The following TENM4 variants were observed in gnomAD, a reference collection of about 807,000 sequenced individuals.
TENM4 encodes teneurin-4.
A neutral mutation model predicts 243.3 loss-of-function variants in TENM4; 82 were observed. The observed-to-expected ratio is 0.34, with a 90% CI of 0.28 to 0.40. The LOEUF is 0.40. TENM4 is among the 10% of genes least tolerant of loss of function. The pLI is 1.00. For synonymous variants in TENM4, 1,412 were observed against 1,456.3 expected (o/e 0.97, Z 0.69); for missense variants, 3,138 against 3,673.3 (o/e 0.85, Z 3.77).
chr11:79,153,275 G>A (rs1022827371), intron 3 of TENM4, among the ~76,000 whole-genome samples: 1 of 152,192 alleles, frequency 6.6e-6, no homozygotes, highest in African/African-American at 2.4e-5. Flanking sequence ...GTATGAAAAG[G>A]ATTTTGTAAA....
chr11:78,900,211 T>G (rs1228104355), intron 7 of TENM4, among the ~76,000 whole-genome samples: 3 of 152,256 alleles, frequency 2.0e-5, no homozygotes, highest in African/African-American at 7.2e-5. Flanking sequence ...GTCATTTGTT[T>G]GTTGTGCAGC....
chr11:78,968,428 G>T (rs1857479059), intron 6 of TENM4, among the ~76,000 whole-genome samples: 1 of 152,220 alleles, frequency 6.6e-6, no homozygotes, highest in Admixed American at 6.5e-5. Flanking sequence ...GGGAGCACAG[G>T]TGTGTGCCAC....
chr11:79,400,711 G>A (rs536654462), intron 1 of TENM4, among the ~76,000 whole-genome samples: 6 of 152,212 alleles, frequency 3.9e-5, no homozygotes, highest in Non-Finnish European at 7.3e-5. Context: ...GGGACAGTGC[G>A]TGTTGATGCA....
intron 6 of TENM4, among the ~76,000 whole-genome samples, chr11:79,030,628 A>G (rs1017483008): frequency 6.6e-6 from 1 of 152,072 alleles, no homozygotes; most frequent in Non-Finnish European, 1.5e-5. Flanking sequence ...AAGCAGAGTG[A>G]AGCCGTGTGC....
chr11:79,096,068 G>A (rs1294420956), intron 4 of TENM4: 1 of 152,236 alleles, frequency 6.6e-6, no homozygotes, highest in African/African-American at 2.4e-5. Context: ...GGATACTAGA[G>A]TCAGAGCCTG....
intron 1 of TENM4, among the ~76,000 whole-genome samples, chr11:79,326,022 G>A (rs1201587941): frequency 6.6e-6 from 1 of 152,180 alleles, no homozygotes; most frequent in Non-Finnish European, 1.5e-5. Context: ...CCCGCTTTGG[G>A]TTGCATGCCT....
chr11:79,384,444 C>A (rs1858066932), intron 1 of TENM4, among the ~76,000 whole-genome samples: 1 of 152,132 alleles, frequency 6.6e-6, no homozygotes, highest in Non-Finnish European at 1.5e-5. Flanking sequence ...TGCTCATCAT[C>A]CTCACCCCTC....
At chr11:79,264,195 C>A (rs1449042481) in intron 2 of TENM4, among the ~76,000 whole-genome samples, 2 of 152,130 alleles carry the variant, frequency 1.3e-5, no homozygotes, top group Non-Finnish European at 1.5e-5. Context: ...ACCACGGGAG[C>A]AGTGAAAACA....
intron 2 of TENM4, among the ~76,000 whole-genome samples, chr11:79,231,558 A>G (rs1443450150): frequency 6.6e-6 from 1 of 152,206 alleles, no homozygotes; most frequent in Admixed American, 6.5e-5. Context: ...CATCCAGGGC[A>G]TCTACTTTCT....
intron 12 of TENM4, among the ~76,000 whole-genome samples, chr11:78,821,931 T>A (rs1410613215): frequency 1.3e-5 from 2 of 152,236 alleles, no homozygotes; most frequent in African/African-American, 4.8e-5. Flanking sequence ...CATGTATGTA[T>A]CTGCCCAAAT....
At chr11:78,963,096 C>T (rs1044542199) in intron 6 of TENM4, among the ~76,000 whole-genome samples, 2 of 152,214 alleles carry the variant, frequency 1.3e-5, no homozygotes, top group African/African-American at 4.8e-5. Context: ...TGTTGACTAG[C>T]TTAATTCTAG....
intron 2 of TENM4, among the ~76,000 whole-genome samples, chr11:79,283,325 C>T (rs918776369): frequency 1.5e-4 from 22 of 151,162 alleles, no homozygotes; most frequent in African/African-American, 5.4e-4. Flanking sequence ...AATAAGATAA[C>T]ATTAAATTGA....
Position 78,669,379 on chromosome 11 carries a change from C to G in TENM4, c.6966G>C (p.Lys2322Asn). The G allele has an allele frequency of 6.2e-7, 1 of 1,613,632 alleles. No homozygotes were observed. The highest frequency in any genetic ancestry group is 8.5e-7 in the Non-Finnish European group (1 of 1,179,732). The stretch of plus-strand genomic sequence containing the variant: ...TGGAGTGGTTGTACAGGTGGGTGAC[C>G]TTGGTGGGGTTGGTCAGGTCTGCAT... ...FFYADLTNPT[K>N]VTHLYNHSSS... The change falls in exon 32 of 34, where the codon AAG becomes AAC. Residue 2322 changes from lysine (K) to asparagine (N), a missense_variant. This residue lies in a region of TENM4 where 2,467 missense variants were observed against 3,059.1 expected (regional missense o/e 0.81). Transcript: ENST00000278550. The surrounding 1 kb of genome is among the most constrained non-coding windows in gnomAD (Gnocchi z 6.4).
At chr11:78,759,344 A>G (rs1856383236) in intron 18 of TENM4, among the ~76,000 whole-genome samples, 1 of 152,260 alleles carries the variant, frequency 6.6e-6, no homozygotes, top group African/African-American at 2.4e-5. Context: ...TATTGATGTT[A>G]GCATGACAGA....
chr11:79,397,218 T>C (rs768872473), intron 1 of TENM4, among the ~76,000 whole-genome samples: 1 of 152,250 alleles, frequency 6.6e-6, no homozygotes, highest in Admixed American at 6.5e-5. Flanking sequence ...GCCCACTATG[T>C]ACCAGGCAGT....
intron 14 of TENM4, 118 bp downstream of exon 14, chr11:78,812,004 G>A: frequency 7.8e-7 from 1 of 1,289,160 alleles, no homozygotes; most frequent in East Asian, 2.6e-5. Context: ...CTGGCTTGGG[G>A]AGGTGGGGTC....
At chr11:78,739,571 A>C (rs1212854864) in intron 19 of TENM4, among the ~76,000 whole-genome samples, 2 of 152,064 alleles carry the variant, frequency 1.3e-5, no homozygotes, top group African/African-American at 4.8e-5. Context: ...TTGCCACTGA[A>C]AACATGGTGG....
chr11:79,127,412 G>A (rs1252685013), intron 4 of TENM4, among the ~76,000 whole-genome samples: 1 of 152,148 alleles, frequency 6.6e-6, no homozygotes, highest in African/African-American at 2.4e-5. Context: ...ACCAAGTAGT[G>A]ACTCCAATTG....
At chr11:79,333,395 A>C (rs977074132) in intron 1 of TENM4, among the ~76,000 whole-genome samples, 1 of 152,180 alleles carries the variant, frequency 6.6e-6, no homozygotes. Context: ...TCTTTCATTT[A>C]ATCTTTATGT....
Sources: gnomAD v4.1 joint callset for allele counts (sites outside exome capture counted in the v4.1 genomes callset) on GRCh38, gnomAD v4.1.1 for gene constraint, gnomAD v4.1.1 regional missense constraint, Gnocchi (gnomAD v3.1) non-coding constraint, MANE v1.5 for transcripts, NCBI Gene and HGNC (gene_info 2026-07-23, HGNC 2026-07-21) for gene names.